VEGFC: variants seen among roughly 807,000 people sequenced by gnomAD.
VEGFC encodes the protein vascular endothelial growth factor C, also known as FLT4 ligand DHM.
Under a neutral mutation model 46.1 loss-of-function variants are expected in VEGFC, and 12 were observed. The observed-to-expected ratio is 0.26, with a 90% confidence interval of 0.17 to 0.42. The LOEUF (loss-of-function observed/expected upper bound fraction) is 0.42. Among genes scored for constraint, VEGFC ranks in the 10% least tolerant of loss-of-function variants. VEGFC has a pLI of 1.00. For missense variants in VEGFC, 488 were observed against 529.4 expected, an observed-to-expected ratio of 0.92 and a Z score of 0.77; for synonymous variants, 232 against 195.5, an observed-to-expected ratio of 1.19 and a Z score of -1.56.
At chr4:176,785,046 T>G (rs1191447006) in intron 1 of VEGFC, among the ~76,000 whole-genome samples, 1 of 152,050 alleles carries the variant, frequency 6.6e-6, no homozygotes, top group African/African-American at 2.4e-5. Context: ...GCAGAAATAT[T>G]GGCAGTGAGT....
At chr4:176,693,499 G>C (rs1734248808) in intron 4 of VEGFC, among the ~76,000 whole-genome samples, 1 of 142,254 alleles carries the variant, frequency 7.0e-6, no homozygotes, top group Non-Finnish European at 1.5e-5. Context: ...ATCTATGTCT[G>C]ATTGGTGTAC....
chr4:176,696,030 C>A (rs1353100158), intron 4 of VEGFC, among the ~76,000 whole-genome samples: 1 of 140,636 alleles, frequency 7.1e-6, no homozygotes, highest in African/African-American at 3.1e-5. Context: ...CAATATCATA[C>A]TGAATGGGCA....
intron 4 of VEGFC, among the ~76,000 whole-genome samples, chr4:176,703,911 G>A (rs1246009713): frequency 6.6e-6 from 1 of 152,134 alleles, no homozygotes; most frequent in Non-Finnish European, 1.5e-5. Flanking sequence ...AGTTTCTCAT[G>A]TGTAAATGTG....
In VEGFC at chr4:176,687,475, AG is replaced by A. The variant is rs1231960320; in HGVS notation, c.856del (p.Leu286TrpfsTer25). ...GACACACTGACAGGTCTCTTCATCC[AG>A]CTCCTTGTTTGGTCCACAGATGTCA... ...FHDICGPNKE[L>X]DEETCQCVCR... On this transcript the variant is annotated frameshift_variant, in exon 6 of 7. Transcript: ENST00000618562. LOFTEE classifies it high-confidence loss of function. The A allele has an allele frequency of 6.2e-7, 1 of 1,613,270 alleles. No individual in the cohort carries two copies. Among genetic ancestry groups the A allele is most frequent in the Non-Finnish European group, 8.5e-7 (1 of 1,179,668 alleles).
chr4:176,703,325 A>G (rs575988289), intron 4 of VEGFC, among the ~76,000 whole-genome samples: 2 of 152,258 alleles, frequency 1.3e-5, no homozygotes, highest in South Asian at 2.1e-4. Context: ...CATTTGCATC[A>G]ACATGGAGGG....
Position 176,694,916 on chromosome 4 carries a change from GTTC to G in VEGFC, c.705-6992_705-6990del, listed in dbSNP as rs1432566340. Among the ~76,000 whole-genome samples the G allele has an allele frequency of 2.9e-3, 420 of 144,580 alleles. 2 individuals are homozygous for G. The highest frequency in any genetic ancestry group is 0.011 in the African/African-American group (394 of 36,376). 94.9% of individuals were successfully genotyped at this position (144,580 alleles called of 152,430 possible). A position where few individuals can be genotyped will look rare whatever the true frequency, so the allele number is the denominator to read the frequency against. On this transcript the variant is annotated intron_variant, in intron 4 of 6. Coordinates refer to ENST00000618562, the MANE Select transcript of VEGFC (RefSeq NM_005429.5). ...ACGAAATGAAGGCAGAAATAAAGAT[GTTC>G]TTTGAAACCAACGAGAACAAAGACA... is the stretch of plus-strand genomic sequence containing the variant.
In VEGFC at chr4:176,683,679, C is replaced by CT; in HGVS notation, c.*246dup. 3.1e-6 allele frequency: 1 copy of CT among 320,684 alleles called. No individual in the cohort carries two copies. Among genetic ancestry groups the CT allele is most frequent in the East Asian group, 5.1e-5 (1 of 19,644 alleles). 19.9% of individuals were successfully genotyped at this position (320,684 alleles called of 1,614,324 possible). A position where few individuals can be genotyped will look rare whatever the true frequency, so the allele number is the denominator to read the frequency against. ...AGTGGAAATAAATTATATAGTCATT[C>CT]TTTTAAAGAAATCACAAGAGGAAAA... On this transcript the variant is annotated 3_prime_UTR_variant, in exon 7 of 7. Transcript: ENST00000618562.
intron 3 of VEGFC, 61 bp downstream of exon 3, chr4:176,727,717 C>A: frequency 6.6e-7 from 1 of 1,506,914 alleles, no homozygotes; most frequent in South Asian, 1.4e-5. Flanking sequence ...CACATCATCC[C>A]CAAAGTTAAA....
intron 3 of VEGFC, among the ~76,000 whole-genome samples, chr4:176,720,288 C>T (rs183589689): frequency 1.6e-4 from 24 of 152,154 alleles, no homozygotes; most frequent in Middle Eastern, 3.4e-3. Context: ...GATGCTTCCT[C>T]CCAAATCTAT....
At chr4:176,740,423 A>AGAGAG in intron 1 of VEGFC, among the ~76,000 whole-genome samples, 2 of 55,122 alleles carry the variant, frequency 3.6e-5, no homozygotes, top group African/African-American at 1.1e-4. Context: ...TATTCTATAT[A>AGAGAG]TAGTTATATA....
At chr4:176,708,367 T>C (rs1734571512) in intron 4 of VEGFC, among the ~76,000 whole-genome samples, 1 of 152,082 alleles carries the variant, frequency 6.6e-6, no homozygotes, top group East Asian at 1.9e-4. Context: ...TTAAACATTT[T>C]ATTTGTTATT....
At chr4:176,722,488 G>GTTTTTTTTTTTTTTTTTTTTTTTT (rs138526102) in intron 3 of VEGFC, among the ~76,000 whole-genome samples, 3 of 134,980 alleles carry the variant, frequency 2.2e-5, no homozygotes. Flanking sequence ...TTTTTCTTTT[G>GTTTTTTTTTTTTTTTTTTTTTTTT]TTTTTTTTTT....
chr4:176,716,446 G>C (rs12500029), intron 3 of VEGFC, among the ~76,000 whole-genome samples: 5 of 151,704 alleles, frequency 3.3e-5, no homozygotes, highest in Admixed American at 3.3e-4. Flanking sequence ...GTGGCGTGGC[G>C]GATGCCTGTA....
At position 176,687,319 on chromosome 4, in the gene VEGFC, G is replaced by A. The variant is rs1023579515; in HGVS notation, c.1013C>T (p.Thr338Ile). The A allele has an allele frequency of 1.9e-6, 3 of 1,614,138 alleles. No homozygotes were observed. Among genetic ancestry groups the A allele is most frequent in the South Asian group, 2.2e-5 (2 of 91,074 alleles). ...CGANREFDEN[T>I]CQCVCKRTCP... ...GGTTCTTTTACATACACACTGGCAT[G>A]TGTTTTCATCAAATTCTCGGTTGGC... Residue 338 changes from threonine (T) to isoleucine (I), a missense_variant, in exon 6 of 7, where the codon ACA becomes ATA. Physicochemically the swap from Thr to Ile is moderately conservative, Grantham distance 89. Coordinates refer to ENST00000618562, the MANE Select transcript of VEGFC (RefSeq NM_005429.5).
At chr4:176,728,075 G>A (rs1257803351) in intron 2 of VEGFC, 107 bp from the exon 3 acceptor site, 7 of 867,926 alleles carry the variant, frequency 8.1e-6, no homozygotes, top group African/African-American at 3.4e-5. Flanking sequence ...TAACATTTAA[G>A]TTCAATATAT....
chr4:176,690,303 G>T (rs1366625684), intron 4 of VEGFC, among the ~76,000 whole-genome samples: 1 of 150,824 alleles, frequency 6.6e-6, no homozygotes, highest in Non-Finnish European at 1.5e-5. Flanking sequence ...TACAGTCAGA[G>T]AAGTTCTGTA....
intron 4 of VEGFC, among the ~76,000 whole-genome samples, chr4:176,706,360 G>A (rs1471182241): frequency 6.6e-6 from 1 of 152,016 alleles, no homozygotes; most frequent in East Asian, 1.9e-4. Context: ...TGGGCGTGGT[G>A]GCTCATGCCT....
chr4:176,737,410 CTA>C (rs1345258024), intron 1 of VEGFC, among the ~76,000 whole-genome samples: 1 of 148,748 alleles, frequency 6.7e-6, no homozygotes, highest in East Asian at 2.0e-4. Context: ...TTTAACATTT[CTA>C]TGTTAAATTT....
chr4:176,698,600 T>TG (rs1734367974), intron 4 of VEGFC, among the ~76,000 whole-genome samples: 1 of 151,894 alleles, frequency 6.6e-6, no homozygotes, highest in Admixed American at 6.6e-5. Context: ...GTGGGGGAGT[T>TG]GGGGGGTGCA....
Sources: allele counts gnomAD v4.1 joint callset (sites outside exome capture counted in the v4.1 genomes callset), GRCh38; gene constraint gnomAD v4.1.1; transcripts MANE v1.5; gene names NCBI Gene and HGNC (gene_info 2026-07-23, HGNC 2026-07-21).